Variants in DLG2 observed in about 807,000 individuals in gnomAD.
DLG2 encodes discs large MAGUK scaffold protein 2, also known as disks large homolog 2.
In DLG2, 45 loss-of-function variants were observed where a neutral mutation model predicts 132.5. That is an observed-to-expected ratio of 0.34 (90% CI 0.27 to 0.44). The LOEUF (loss-of-function observed/expected upper bound fraction) is 0.44, where lower values mean the gene tolerates loss of function less well. DLG2 is among the 20% of genes least tolerant of loss of function. The probability of loss-of-function intolerance (pLI) is 1.00; values close to 1 mark genes in which losing one functional copy is unlikely to be tolerated. For missense variants in DLG2, 1,045 were observed against 1,196.9 expected, an observed-to-expected ratio of 0.87 and a Z score of 1.87; for synonymous variants, 424 against 419.6, an observed-to-expected ratio of 1.01 and a Z score of -0.13.
intron 7 of DLG2, among the ~76,000 whole-genome samples, chr11:84,330,908 C>T (rs1239286212): frequency 6.6e-6 from 1 of 152,154 alleles, no homozygotes; most frequent in Non-Finnish European, 1.5e-5. Context: ...TTTAGTGAAC[C>T]TAGAACATAG....
intron 4 of DLG2, among the ~76,000 whole-genome samples, chr11:85,174,574 A>G (rs971315558): frequency 8.5e-5 from 13 of 152,208 alleles, no homozygotes; most frequent in African/African-American, 3.1e-4. Context: ...CCAAGAGAAA[A>G]TGAACCCCAA....
chr11:84,709,227 C>G (rs560955302), intron 6 of DLG2, among the ~76,000 whole-genome samples: 1 of 151,884 alleles, frequency 6.6e-6, no homozygotes, highest in South Asian at 2.1e-4. Context: ...TTGGTGAATA[C>G]TCAGCGAAGG....
intron 15 of DLG2, among the ~76,000 whole-genome samples, chr11:83,929,834 G>T (rs1167339520): frequency 6.6e-6 from 1 of 152,096 alleles, no homozygotes; most frequent in African/African-American, 2.4e-5. Context: ...TGGACAAGTT[G>T]CTTAATACCT....
At chr11:85,566,248 C>A (rs2077519549) in intron 3 of DLG2, among the ~76,000 whole-genome samples, 1 of 151,948 alleles carries the variant, frequency 6.6e-6, no homozygotes, top group Non-Finnish European at 1.5e-5. Context: ...AATACTAGAC[C>A]CTTATCAGAT....
intron 6 of DLG2, among the ~76,000 whole-genome samples, chr11:84,706,457 C>T (rs1428835346): frequency 6.6e-6 from 1 of 151,724 alleles, no homozygotes; most frequent in African/African-American, 2.4e-5. Context: ...CTGAGTGATA[C>T]ATTGAAACAT....
intron 11 of DLG2, among the ~76,000 whole-genome samples, chr11:84,003,252 A>G (rs894925382): frequency 6.6e-6 from 1 of 152,180 alleles, no homozygotes; most frequent in African/African-American, 2.4e-5. Context: ...GTCCCTAGGA[A>G]GGTCCAAACT....
intron 11 of DLG2, among the ~76,000 whole-genome samples, chr11:84,046,871 T>C (rs1363279485): frequency 1.3e-5 from 2 of 151,632 alleles, no homozygotes; most frequent in Admixed American, 6.6e-5. Context: ...AAAGTATCTA[T>C]CTACAATTGA....
intron 3 of DLG2, among the ~76,000 whole-genome samples, chr11:85,490,661 G>A (rs1438041049): frequency 1.3e-5 from 2 of 151,986 alleles, no homozygotes; most frequent in African/African-American, 2.4e-5. Context: ...AGATGATTAT[G>A]AAGCACTATA....
intron 15 of DLG2, among the ~76,000 whole-genome samples, chr11:83,876,447 T>C (rs2064809133): frequency 6.6e-6 from 1 of 152,176 alleles, no homozygotes; most frequent in Middle Eastern, 3.4e-3. Context: ...ATTACAAAAA[T>C]ATCATAAATT....
Position 84,322,711 on chromosome 11 carries a change from T to A in DLG2, c.520-71420A>T, listed in dbSNP as rs547909898. ...TTCTGGCAATTCTCTTGCCTCAGCA[T>A]CCCGAGTAGCTGGAATTACAGGCAT... On this transcript the variant is annotated intron_variant, in intron 7 of 27. Coordinates refer to ENST00000376104, the MANE Select transcript of DLG2 (RefSeq NM_001142699.3). Among the ~76,000 whole-genome samples the A allele has an allele frequency of 2.0e-5, 3 of 152,056 alleles. No homozygotes were observed. In the South Asian group the frequency reaches 6.2e-4, roughly 32 times the overall value.
At position 83,662,327 on chromosome 11, in the gene DLG2, C is replaced by T. The variant is rs114357224; in HGVS notation, c.1826-29002G>A. ...CAATACAGATTGAAAATGGCTCTAT[C>T]TGCAAAAAGCAAGCACTGTATTGAA... On this transcript the variant is annotated intron_variant, in intron 18 of 27. Transcript: ENST00000376104. Among the ~76,000 whole-genome samples, 1,114 of 152,316 alleles carry T rather than the reference C, an allele frequency of 7.3e-3. 10 individuals are homozygous for T. Among genetic ancestry groups the T allele is most frequent in the African/African-American group, 0.025 (1,043 of 41,564 alleles).
intron 6 of DLG2, among the ~76,000 whole-genome samples, chr11:84,799,468 A>G (rs2075099186): frequency 6.6e-6 from 1 of 152,196 alleles, no homozygotes; most frequent in Non-Finnish European, 1.5e-5. Context: ...ATATAAAATT[A>G]AAACCAGGTA....
At chr11:85,438,216 G>T (rs755031655) in intron 3 of DLG2, among the ~76,000 whole-genome samples, 1 of 152,068 alleles carries the variant, frequency 6.6e-6, no homozygotes, top group African/African-American at 2.4e-5. Context: ...GCATCAAACT[G>T]GTCATAAGAC....
At chr11:84,504,906 C>A (rs114480777) in intron 7 of DLG2, among the ~76,000 whole-genome samples, 1 of 152,226 alleles carries the variant, frequency 6.6e-6, no homozygotes, top group African/African-American at 2.4e-5. Context: ...CTTCCCCCAA[C>A]AGAAACTTGC....
At chr11:83,884,959 T>C (rs1226733037) in intron 15 of DLG2, among the ~76,000 whole-genome samples, 1 of 151,854 alleles carries the variant, frequency 6.6e-6, no homozygotes, top group Non-Finnish European at 1.5e-5. Flanking sequence ...AACACCATCA[T>C]CAAAGACCAA....
intron 6 of DLG2, among the ~76,000 whole-genome samples, chr11:84,724,991 G>A (rs1322517154): frequency 6.6e-6 from 1 of 152,126 alleles, no homozygotes; most frequent in Non-Finnish European, 1.5e-5. Flanking sequence ...ACATCTTCCA[G>A]CTTACATTTT....
intron 6 of DLG2, among the ~76,000 whole-genome samples, chr11:84,881,430 G>A (rs1050460257): frequency 1.3e-5 from 2 of 152,114 alleles, no homozygotes; most frequent in Non-Finnish European, 2.9e-5. Flanking sequence ...CTTGAAGCAT[G>A]TTGTAGGAAT....
Position 85,107,927 on chromosome 11 carries a change from T to TAAAAAAAAAAAAAAAAAAAAAAAA in DLG2, c.357+3710_357+3733dup. On this transcript the variant is annotated intron_variant, in intron 6 of 27. Coordinates refer to ENST00000376104, the MANE Select transcript of DLG2 (RefSeq NM_001142699.3). ...TAGTTACTACTGAAAGGACAAGTCTTAAAAAAAAAAAAAAAAAAAAAAAAA... is the reference window on the plus strand; with the variant it reads ...TAGTTACTACTGAAAGGACAAGTCTTAAAAAAAAAAAAAAAAAAAAAAAAAAAAAAAAAAAAAAAAAAAAAAAAA... Among the ~76,000 whole-genome samples the TAAAAAAAAAAAAAAAAAAAAAAAA allele has an allele frequency of 7.6e-5, 2 of 26,270 alleles. 1 individual carries two copies. Among genetic ancestry groups the TAAAAAAAAAAAAAAAAAAAAAAAA allele is most frequent in the Non-Finnish European group, 1.3e-4 (2 of 15,302 alleles). 17.2% of individuals were successfully genotyped at this position (26,270 alleles called of 152,430 possible).
intron 2 of DLG2, among the ~76,000 whole-genome samples, chr11:85,618,258 C>T (rs117856752): frequency 7.7e-4 from 117 of 152,082 alleles, no homozygotes; most frequent in Non-Finnish European, 1.3e-3. Flanking sequence ...AGAACACATT[C>T]CCTTATCCCA....
Sources: allele counts gnomAD v4.1 joint callset (sites outside exome capture counted in the v4.1 genomes callset), GRCh38; gene constraint gnomAD v4.1.1; transcripts MANE v1.5; gene names NCBI Gene and HGNC (gene_info 2026-07-23, HGNC 2026-07-21).